LRFN5: variants seen among roughly 807,000 people sequenced by gnomAD.
LRFN5 encodes leucine rich repeat and fibronectin type III domain containing 5, also known as leucine-rich repeat and fibronectin type-III domain-containing protein 5.
LRFN5 carries 24 observed loss-of-function variants against 45.6 expected under a neutral mutation model. The observed-to-expected ratio is 0.53, with a 90% CI of 0.38 to 0.74. The LOEUF is 0.74. Among genes scored for constraint, LRFN5 ranks in the 30% least tolerant of loss-of-function variants. The probability of loss-of-function intolerance (pLI) is 0.00; values close to 1 mark genes in which losing one functional copy is unlikely to be tolerated. For missense variants in LRFN5, 776 were observed against 861.5 expected, an observed-to-expected ratio of 0.90 and a Z score of 1.24; for synonymous variants, 340 against 313.8, an observed-to-expected ratio of 1.08 and a Z score of -0.88.
chr14:41,643,778 C>T (rs1304219871), intron 1 of LRFN5, among the ~76,000 whole-genome samples: 1 of 152,004 alleles, frequency 6.6e-6, no homozygotes, highest in Admixed American at 6.6e-5. Flanking sequence ...ATTCTTTTAA[C>T]CCTCTGCTTT....
At chr14:41,856,103 C>T (rs777203545) in intron 2 of LRFN5, among the ~76,000 whole-genome samples, 112 of 152,154 alleles carry the variant, frequency 7.4e-4, no homozygotes, top group Admixed American at 4.4e-3. Flanking sequence ...GTAGTCCTTT[C>T]ATGAGAGGAA....
At chr14:41,671,624 T>TTTTTTTTTTTTTTTTTTTTTTTTTTTTG (rs1881234027) in intron 1 of LRFN5, among the ~76,000 whole-genome samples, 1 of 138,552 alleles carries the variant, frequency 7.2e-6, no homozygotes, top group East Asian at 2.2e-4. Context: ...TTCGTTTTTT[T>TTTTTTTTTTTTTTTTTTTTTTTTTTTTG]TTTTTTTTTT....
intron 2 of LRFN5, among the ~76,000 whole-genome samples, chr14:41,857,714 A>G (rs1248519755): frequency 2.6e-5 from 4 of 152,222 alleles, no homozygotes; most frequent in Admixed American, 6.5e-5. Flanking sequence ...ACAAATCTGA[A>G]AACAAATTAC....
Position 41,741,826 on chromosome 14 carries a change from ACC to A in LRFN5, c.-196-25027_-196-25026del, listed in dbSNP as rs1491108998. 1.4e-3 allele frequency among the ~76,000 whole-genome samples: 210 copies of A among 151,066 alleles called. 1 individual carries two copies. The highest frequency in any genetic ancestry group is 1.9e-3 in the African/African-American group (77 of 41,350). ...TAAGGGGCTAAAATAAAAAAAAAAA[ACC>A]AAAAAACTAATTTAGTAATAGACAA... On this transcript the variant is annotated intron_variant, in intron 1 of 5. Coordinates refer to ENST00000298119, the MANE Select transcript of LRFN5 (RefSeq NM_152447.5).
At chr14:41,699,887 A>C (rs1266887069) in intron 1 of LRFN5, 3 of 152,088 alleles carry the variant, frequency 2.0e-5, no homozygotes, top group Non-Finnish European at 4.4e-5. Flanking sequence ...TTTCTCTTTC[A>C]AGGATGAACA....
At chr14:41,688,702 A>G (rs1436801062) in intron 1 of LRFN5, among the ~76,000 whole-genome samples, 1 of 151,852 alleles carries the variant, frequency 6.6e-6, no homozygotes, top group Non-Finnish European at 1.5e-5. Flanking sequence ...AAAAAAAACC[A>G]TGAGATACCA....
At chr14:41,798,814 G>A (rs1423718288) in intron 2 of LRFN5, among the ~76,000 whole-genome samples, 4 of 151,692 alleles carry the variant, frequency 2.6e-5, no homozygotes, top group Admixed American at 2.0e-4. Context: ...CACTTTTCAC[G>A]TAATCACACA....
intron 1 of LRFN5, among the ~76,000 whole-genome samples, chr14:41,656,360 G>A (rs1875137480): frequency 6.6e-6 from 1 of 151,984 alleles, no homozygotes; most frequent in South Asian, 2.1e-4. Context: ...TGAAAGAAAT[G>A]AATTTGAACG....
chr14:41,615,110 A>C (rs1429520558), intron 1 of LRFN5, among the ~76,000 whole-genome samples: 1 of 152,106 alleles, frequency 6.6e-6, no homozygotes. Flanking sequence ...GCATTAGGCA[A>C]CTTGTAAGTT....
At chr14:41,893,316 GA>G (rs1185196701) in intron 4 of LRFN5, 24 of 957,620 alleles carry the variant, frequency 2.5e-5, no homozygotes, top group Non-Finnish European at 2.6e-5. Context: ...TTCACTCCTT[GA>G]AAAACTTAAT....
intron 2 of LRFN5, among the ~76,000 whole-genome samples, chr14:41,781,743 A>G (rs555366932): frequency 1.1e-4 from 17 of 151,864 alleles, no homozygotes; most frequent in African/African-American, 4.1e-4. Context: ...AGGAAGTTAT[A>G]GTTTTTATTT....
intron 1 of LRFN5, among the ~76,000 whole-genome samples, chr14:41,752,483 T>A (rs543317684): frequency 1.4e-4 from 22 of 152,330 alleles, no homozygotes; most frequent in African/African-American, 5.1e-4. Context: ...GATATCTCAT[T>A]GTGGTTTTGA....
chr14:41,737,799 A>C (rs1056510469), intron 1 of LRFN5, among the ~76,000 whole-genome samples: 1 of 152,172 alleles, frequency 6.6e-6, no homozygotes, highest in African/African-American at 2.4e-5. Flanking sequence ...AGGGATGTGA[A>C]GGACTTCTTC....
chr14:41,665,024 T>TATTTA (rs997341720), intron 1 of LRFN5, among the ~76,000 whole-genome samples: 6 of 152,082 alleles, frequency 3.9e-5, no homozygotes, highest in African/African-American at 7.2e-5. Context: ...CTAAAATGCT[T>TATTTA]ATTTTCTTCA....
intron 2 of LRFN5, among the ~76,000 whole-genome samples, chr14:41,775,421 T>C (rs12897556): frequency 6.6e-6 from 1 of 152,144 alleles, no homozygotes; most frequent in African/African-American, 2.4e-5. Flanking sequence ...TTTTATAAGG[T>C]GACTTTTCCT....
At chr14:41,688,288 A>G (rs1882210244) in intron 1 of LRFN5, among the ~76,000 whole-genome samples, 1 of 152,152 alleles carries the variant, frequency 6.6e-6, no homozygotes, top group South Asian at 2.1e-4. Flanking sequence ...AATTTATTGT[A>G]CGTTTAAAAA....
intron 4 of LRFN5, chr14:41,893,354 T>G: frequency 1.1e-6 from 1 of 901,998 alleles, no homozygotes; most frequent in Non-Finnish European, 1.3e-6. Context: ...GGTGTTCTAT[T>G]AAAGATCTAT....
chr14:41,838,596 G>A (rs17112292), intron 2 of LRFN5, among the ~76,000 whole-genome samples: 12,939 of 152,074 alleles, frequency 0.085, 1,162 homozygotes, highest in East Asian at 0.48. Flanking sequence ...TCTCCTTGAG[G>A]TTTTGAAAGA....
At chr14:41,800,962 T>C (rs574096826) in intron 2 of LRFN5, among the ~76,000 whole-genome samples, 2 of 152,220 alleles carry the variant, frequency 1.3e-5, no homozygotes, top group South Asian at 4.1e-4. Flanking sequence ...TGGATATACA[T>C]ATAAATTATT....
Sources: gnomAD v4.1 joint callset for allele counts (sites outside exome capture counted in the v4.1 genomes callset) on GRCh38, gnomAD v4.1.1 for gene constraint, MANE v1.5 for transcripts, NCBI Gene and HGNC (gene_info 2026-07-23, HGNC 2026-07-21) for gene names.